Variants in ARK2C observed in about 807,000 individuals in gnomAD.
The protein encoded by ARK2C is arkadia (RNF111) C-terminal like ring finger ubiquitin ligase 2C, also known as E3 ubiquitin-protein ligase ARK2C.
At chr18:46,425,017 T>C in the ARK2C span, among the ~76,000 whole-genome samples, 1 of 152,172 alleles carries the variant, frequency 6.6e-6, no homozygotes, top group East Asian at 1.9e-4. Context: ...CTGTCTTCTT[T>C]CTCCCTGCCC....
the ARK2C span, among the ~76,000 whole-genome samples, chr18:46,448,718 A>T: frequency 6.6e-6 from 1 of 152,318 alleles, no homozygotes; most frequent in South Asian, 2.1e-4. Context: ...TTGTGGCTGC[A>T]GAGTGCCGAA....
At chr18:46,337,320 G>C in the ARK2C span, 2 of 985,258 alleles carry the variant, frequency 2.0e-6, no homozygotes, top group Non-Finnish European at 2.4e-6. Flanking sequence ...TTCTTATTTT[G>C]TGGGTAATTT....
chr18:46,392,345 G>C, the ARK2C span, among the ~76,000 whole-genome samples: 1 of 152,222 alleles, frequency 6.6e-6, no homozygotes, highest in South Asian at 2.1e-4. Context: ...TTCAGCTCAG[G>C]GTTCCCTGCT....
At chr18:46,390,055 G>C in the ARK2C span, among the ~76,000 whole-genome samples, 1 of 152,140 alleles carries the variant, frequency 6.6e-6, no homozygotes, top group African/African-American at 2.4e-5. Context: ...CAGAGGCTCT[G>C]TTCCCCAATT....
the ARK2C span, among the ~76,000 whole-genome samples, chr18:46,445,572 C>T: frequency 1.3e-5 from 2 of 152,226 alleles, no homozygotes; most frequent in Admixed American, 6.5e-5. Flanking sequence ...CTCTCCAAAT[C>T]ATGGTACCAC....
At chr18:46,355,228 CAAGCA>C in the ARK2C span, among the ~76,000 whole-genome samples, 3 of 152,238 alleles carry the variant, frequency 2.0e-5, no homozygotes, top group East Asian at 5.8e-4. Flanking sequence ...GCTGAGATTA[CAAGCA>C]TGAGCCACCG....
chr18:46,337,956 C>T, the ARK2C span, among the ~76,000 whole-genome samples: 1 of 152,150 alleles, frequency 6.6e-6, no homozygotes, highest in African/African-American at 2.4e-5. Context: ...CTTTGGCCGC[C>T]TGTGTACTCA....
the ARK2C span, chr18:46,433,473 A>C: frequency 6.2e-7 from 1 of 1,611,866 alleles, no homozygotes. Context: ...AGCTCCTGGA[A>C]GCCCAGCACC....
chr18:46,438,300 A>G, the ARK2C span, among the ~76,000 whole-genome samples: 2 of 152,228 alleles, frequency 1.3e-5, no homozygotes, highest in Admixed American at 6.5e-5. Flanking sequence ...TCTTTGAGTC[A>G]GGTCCTGGTC....
the ARK2C span, among the ~76,000 whole-genome samples, chr18:46,437,544 G>GCAAGCCCA: frequency 2.1e-3 from 313 of 152,258 alleles, 1 homozygote; most frequent in Non-Finnish European, 3.3e-3. Context: ...GCAAGCCCAT[G>GCAAGCCCA]TCCAGCCCAA....
the ARK2C span, chr18:46,335,159 G>A: frequency 6.6e-6 from 1 of 152,422 alleles, no homozygotes; most frequent in Non-Finnish European, 1.5e-5. Flanking sequence ...CGGCTGGAGC[G>A]GGGCGTCCGG....
chr18:46,344,522 T>C, the ARK2C span, among the ~76,000 whole-genome samples: 1 of 152,138 alleles, frequency 6.6e-6, no homozygotes, highest in Non-Finnish European at 1.5e-5. Flanking sequence ...AATGGGAGAA[T>C]GTGCCCACTC....
the ARK2C span, among the ~76,000 whole-genome samples, chr18:46,443,885 A>G: frequency 6.6e-6 from 1 of 151,990 alleles, no homozygotes; most frequent in African/African-American, 2.4e-5. Flanking sequence ...GTCTGGTGTT[A>G]TTTTTCTTTA....
chr18:46,373,815 C>T, the ARK2C span, among the ~76,000 whole-genome samples: 1 of 152,198 alleles, frequency 6.6e-6, no homozygotes, highest in African/African-American at 2.4e-5. Context: ...CCAGACCGTG[C>T]AGCCAGAGAA....
the ARK2C span, among the ~76,000 whole-genome samples, chr18:46,452,098 A>G: frequency 2.0e-5 from 3 of 152,212 alleles, no homozygotes; most frequent in Non-Finnish European, 4.4e-5. Flanking sequence ...GCATTTGTCA[A>G]AACTGATAGA....
the ARK2C span, chr18:46,456,878 C>A: frequency 2.0e-6 from 1 of 493,182 alleles, no homozygotes; most frequent in Non-Finnish European, 3.7e-6. Flanking sequence ...AGGGAGCTGG[C>A]GGTGCCCAGC....
the ARK2C span, chr18:46,435,254 CCT>C: frequency 1.3e-6 from 2 of 1,595,554 alleles, no homozygotes; most frequent in Non-Finnish European, 1.7e-6. Flanking sequence ...CTGGGTAGCC[CCT>C]GACACGAGGG....
the ARK2C span, among the ~76,000 whole-genome samples, chr18:46,353,785 GAT>G: frequency 1.3e-5 from 2 of 152,166 alleles, no homozygotes; most frequent in African/African-American, 4.8e-5. Flanking sequence ...CTCCAGAAGA[GAT>G]AACCAGATAC....
chr18:46,455,068 T>A, the ARK2C span, among the ~76,000 whole-genome samples: 1 of 152,206 alleles, frequency 6.6e-6, no homozygotes, highest in Non-Finnish European at 1.5e-5. Context: ...TGAAAAACAG[T>A]ACAAGGGAAG....
Sources: allele counts gnomAD v4.1 joint callset (sites outside exome capture counted in the v4.1 genomes callset), GRCh38; gene constraint gnomAD v4.1.1; transcripts MANE v1.5; gene names NCBI Gene and HGNC (gene_info 2026-07-23, HGNC 2026-07-21).